Variants in ABCB11 observed in about 807,000 individuals in gnomAD.
ABCB11 encodes the protein bile salt export pump.
A neutral mutation model predicts 148.0 loss-of-function variants in ABCB11; 95 were observed. That is an observed-to-expected ratio of 0.64 (90% confidence interval 0.54 to 0.76). The LOEUF (loss-of-function observed/expected upper bound fraction) is 0.76, where lower values mean the gene tolerates loss of function less well. Among genes scored for constraint, ABCB11 ranks in the 30% least tolerant of loss-of-function variants. The pLI is 0.00. For missense variants in ABCB11, 1,523 were observed against 1,617.8 expected (o/e 0.94, Z 1.01); for synonymous variants, 591 against 555.4 (o/e 1.06, Z -0.90).
chr2:168,982,311 C>A (rs192780207), intron 10 of ABCB11, among the ~76,000 whole-genome samples: 1 of 152,258 alleles, frequency 6.6e-6, no homozygotes, highest in African/African-American at 2.4e-5. Context: ...GCTTCAATTT[C>A]ATTTTTAAGT....
intron 1 of ABCB11, among the ~76,000 whole-genome samples, chr2:169,026,156 ATTGT>A (rs1695687704): frequency 6.6e-6 from 1 of 152,180 alleles, no homozygotes; most frequent in Non-Finnish European, 1.5e-5. Flanking sequence ...ACTCTGTGAG[ATTGT>A]TTATGTCTAA....
chr2:168,952,519 T>C (rs890824286), intron 19 of ABCB11, among the ~76,000 whole-genome samples: 2 of 151,496 alleles, frequency 1.3e-5, no homozygotes, highest in African/African-American at 4.8e-5. Flanking sequence ...GTTTTCATAA[T>C]AGTCTGTGAT....
chr2:168,982,929 T>C (rs1694185161), intron 10 of ABCB11, among the ~76,000 whole-genome samples: 1 of 152,162 alleles, frequency 6.6e-6, no homozygotes, highest in African/African-American at 2.4e-5. Flanking sequence ...ATCAGTTGAT[T>C]AAAATGTTAG....
Position 168,958,123 on chromosome 2 carries a change from C to T in ABCB11, c.2184G>A (p.Lys728=). 1.2e-6 allele frequency: 2 copies of T among 1,610,754 alleles called. No homozygotes were observed. The highest frequency in any genetic ancestry group is 2.2e-5 in the East Asian group (1 of 44,746). ...KSTYEEDRKD[K]DIPVQEEVEP... ...CAACTTCTTCCTGCACAGGAATGTC[C>T]TTGTCCTTGAGCAGAGAGAGGGTTA... The change falls in exon 19 of 28, where the codon AAG becomes AAA. Residue 728 remains lysine, a synonymous_variant. Transcript: ENST00000650372.
chr2:168,941,048 T>C (rs1332056471), intron 21 of ABCB11, among the ~76,000 whole-genome samples: 2 of 152,070 alleles, frequency 1.3e-5, no homozygotes, highest in African/African-American at 4.8e-5. Context: ...CTGACGGAGA[T>C]GTACAAGGAG....
chr2:168,935,841 A>G (rs924363583), intron 22 of ABCB11, among the ~76,000 whole-genome samples: 5 of 152,244 alleles, frequency 3.3e-5, no homozygotes, highest in African/African-American at 1.2e-4. Context: ...CATTAAAACC[A>G]TCATAGCTCC....
intron 16 of ABCB11, among the ~76,000 whole-genome samples, 179 bp downstream of exon 16, chr2:168,969,171 T>C (rs138160623): frequency 6.7e-4 from 101 of 151,254 alleles, no homozygotes; most frequent in African/African-American, 2.4e-3. Context: ...TTGGTTTTAG[T>C]GCTGTAACTT....
intron 3 of ABCB11, 107 bp downstream of exon 3, chr2:169,016,671 A>T (rs1288522448): frequency 2.3e-6 from 2 of 856,922 alleles, no homozygotes; most frequent in Non-Finnish European, 3.7e-6. Context: ...ATATTATTTT[A>T]TATGAAGTGC....
chr2:168,995,160 G>C lies in ABCB11; in HGVS notation c.611+189C>G, dbSNP rs13432949. ...TACACACCAAATTGCAGTACCTTGGGTTTCAATTTTTAATGTCCATATTTG... is the reference window on the plus strand; with the variant it reads ...TACACACCAAATTGCAGTACCTTGGCTTTCAATTTTTAATGTCCATATTTG... On this transcript the variant is annotated intron_variant, in intron 7 of 27. Coordinates refer to ENST00000650372, the MANE Select transcript of ABCB11 (RefSeq NM_003742.4). Among the ~76,000 whole-genome samples, 9,084 of 151,918 alleles carry C rather than the reference G, an allele frequency of 0.06. 910 individuals are homozygous for C. Among genetic ancestry groups the C allele is most frequent in the African/African-American group, 0.21 (8,504 of 41,418 alleles).
chr2:168,979,880 C>T lies in ABCB11; in HGVS notation c.1183G>A (p.Glu395Lys). 6.3e-7 allele frequency: 1 copy of T among 1,591,650 alleles called. No individual in the cohort carries two copies. The highest frequency in any genetic ancestry group is 1.3e-5 in the African/African-American group (1 of 74,176). The part of the protein sequence containing the change: ...TGRAAATSIF[E>K]TIDRKPIIDC... ...CTTATACATACCCTGTCTATTGTCT[C>T]AAAAATGCTGGTGGCTGCTGCACGT... is the stretch of plus-strand genomic sequence containing the variant. The change falls in exon 11 of 28, where the codon GAG becomes AAG. Residue 395 changes from glutamate (E) to lysine (K), a missense_variant. Transcript: ENST00000650372.
chr2:168,919,630 T>A (rs580613), downstream of ABCB11, among the ~76,000 whole-genome samples: 108,761 of 150,956 alleles, frequency 0.72, 39,674 homozygotes, highest in East Asian at 0.94. Flanking sequence ...CCTTATTTTT[T>A]AAAAAAAAAG....
chr2:168,963,720 C>G (rs1693174003), intron 18 of ABCB11, among the ~76,000 whole-genome samples: 1 of 151,756 alleles, frequency 6.6e-6, no homozygotes, highest in Non-Finnish European at 1.5e-5. Context: ...TAATTGGCCT[C>G]CATTAATTCA....
chr2:168,979,577 C>T (rs1694056172), intron 11 of ABCB11, among the ~76,000 whole-genome samples: 1 of 148,776 alleles, frequency 6.7e-6, no homozygotes, highest in African/African-American at 2.5e-5. Flanking sequence ...TCCCTTGAGG[C>T]AGGAGAATCG....
intron 1 of ABCB11, among the ~76,000 whole-genome samples, chr2:169,021,283 A>G (rs1288819235): frequency 2.0e-5 from 3 of 152,140 alleles, no homozygotes; most frequent in Admixed American, 2.0e-4. Flanking sequence ...TATACTTATT[A>G]TAAATGAAAT....
chr2:168,964,702 T>C (rs1251871100), intron 17 of ABCB11, among the ~76,000 whole-genome samples: 1 of 151,874 alleles, frequency 6.6e-6, no homozygotes, highest in Non-Finnish European at 1.5e-5. Flanking sequence ...GCTTAGATTG[T>C]GGTCTTGATA....
chr2:168,976,636 T>C lies in ABCB11; in HGVS notation c.1249A>G (p.Lys417Glu). Residue 417 changes from lysine to glutamate, a missense_variant, in exon 12 of 28, where the codon AAG (lysine) becomes GAG (glutamate). Lys to Glu is a moderately conservative substitution (Grantham distance 56). Coordinates refer to ENST00000650372, the MANE Select transcript of ABCB11 (RefSeq NM_003742.4). Reference protein sequence around the residue: ...SEDGYKLDRIKGEIEFHNVTF... With the variant: ...SEDGYKLDRIEGEIEFHNVTF... ...ACATTATGGAATTCAATTTCACCCT[T>C]GATTCGATCCAACTTGTAACCATCT... 1 of 1,611,068 alleles carries C rather than the reference T, an allele frequency of 6.2e-7. No individual in the cohort carries two copies. The highest frequency in any genetic ancestry group is 8.5e-7 in the Non-Finnish European group (1 of 1,177,922).
chr2:168,925,755 C>T (rs764339073), intron 26 of ABCB11, among the ~76,000 whole-genome samples: 10 of 152,180 alleles, frequency 6.6e-5, no homozygotes, highest in Non-Finnish European at 1.3e-4. Flanking sequence ...CCCATGAAAA[C>T]CTGCTTTGTC....
chr2:169,022,990 T>C (rs1371486988), intron 1 of ABCB11, among the ~76,000 whole-genome samples: 1 of 152,088 alleles, frequency 6.6e-6, no homozygotes, highest in East Asian at 1.9e-4. Flanking sequence ...ATGAATAAAT[T>C]TGGGGTAATG....
chr2:168,944,242 T>C (rs772994035), intron 21 of ABCB11, among the ~76,000 whole-genome samples: 6 of 151,622 alleles, frequency 4.0e-5, no homozygotes, highest in African/African-American at 1.5e-4. Context: ...TGGGGTCCTG[T>C]GTGAGTAAGG....
Sources: allele counts gnomAD v4.1 joint callset (sites outside exome capture counted in the v4.1 genomes callset), GRCh38; gene constraint gnomAD v4.1.1; transcripts MANE v1.5; gene names NCBI Gene and HGNC (gene_info 2026-07-23, HGNC 2026-07-21).